The following SLC26A8 variants were observed in gnomAD, a reference collection of about 807,000 sequenced individuals.
SLC26A8 encodes solute carrier family 26 member 8.
Under a neutral mutation model 105.0 loss-of-function variants are expected in SLC26A8, and 70 were observed. The observed-to-expected ratio is 0.67, with a 90% CI of 0.55 to 0.81. The LOEUF is 0.81. Ranked by LOEUF, SLC26A8 falls within the 40% of genes least tolerant of loss-of-function variation. The probability of loss-of-function intolerance (pLI) is 0.00; values close to 1 mark genes in which losing one functional copy is unlikely to be tolerated. For synonymous variants in SLC26A8, 415 were observed against 438.3 expected, an observed-to-expected ratio of 0.95 and a Z score of 0.66; for missense variants, 998 against 1,181.8, an observed-to-expected ratio of 0.84 and a Z score of 2.28.
At position 36,012,256 on chromosome 6, in the gene SLC26A8, A is replaced by T. The variant is rs762434536; in HGVS notation, c.305T>A (p.Val102Asp). ...ACCTTGGGGAACTTGCACAAGGCCA[A>T]CACTTATACCAGCAAGTAAGTCTCC... is the stretch of plus-strand genomic sequence containing the variant. ...LLGDLLAGIS[V>D]GLVQVPQGLT... The change falls in exon 3 of 20, where the codon GTT (valine) becomes GAT (aspartate). Residue 102 changes from valine (V) to aspartate (D), a missense_variant. By Grantham distance (152) the Val-to-Asp change is radical. Transcript: ENST00000490799. The T allele has an allele frequency of 2.5e-6, 4 of 1,612,626 alleles. No homozygotes were observed. Among genetic ancestry groups the T allele is most frequent in the Non-Finnish European group, 3.4e-6 (4 of 1,179,578 alleles).
At chr6:36,007,833 T>C (rs1761732596) in intron 3 of SLC26A8, among the ~76,000 whole-genome samples, 1 of 151,778 alleles carries the variant, frequency 6.6e-6, no homozygotes, top group African/African-American at 2.4e-5. Context: ...TTAAAAATGG[T>C]GTTGAGGCTG....
intron 10 of SLC26A8, among the ~76,000 whole-genome samples, chr6:35,972,846 G>A (rs774290464): frequency 1.1e-4 from 17 of 152,190 alleles, no homozygotes; most frequent in Admixed American, 2.0e-4. Context: ...CTCAAAACTT[G>A]GCCTTTCTAT....
chr6:35,977,436 C>A, intron 8 of SLC26A8, 85 bp from the exon 9 acceptor site: 2 of 1,312,398 alleles, frequency 1.5e-6, no homozygotes, highest in South Asian at 1.7e-5. Flanking sequence ...CTGGGCTGTC[C>A]TGATTCTTTT....
In SLC26A8 at chr6:35,968,119, A is replaced by T. The variant is rs1056805630; in HGVS notation, c.1365+758T>A. ...CACCTTGGCCTCCCAAAGTGCTGGGATTACACCACTCTTGGCCTATAACTA... is the reference window on the plus strand; with the variant it reads ...CACCTTGGCCTCCCAAAGTGCTGGGTTTACACCACTCTTGGCCTATAACTA... On this transcript the variant is annotated intron_variant, in intron 11 of 19. Transcript: ENST00000490799. 5.9e-5 allele frequency among the ~76,000 whole-genome samples: 9 copies of T among 151,846 alleles called. No homozygotes were observed. In the South Asian group the frequency reaches 8.3e-4, roughly 14 times the overall value.
chr6:36,022,114 G>C (rs1762141429), intron 1 of SLC26A8, among the ~76,000 whole-genome samples: 1 of 152,148 alleles, frequency 6.6e-6, no homozygotes, highest in Non-Finnish European at 1.5e-5. Flanking sequence ...TTACAGGCAT[G>C]TGCCACCACA....
chr6:35,983,298 T>A (rs1193259945), intron 7 of SLC26A8, among the ~76,000 whole-genome samples: 1 of 152,182 alleles, frequency 6.6e-6, no homozygotes, highest in Non-Finnish European at 1.5e-5. Context: ...GGCAAGGAAC[T>A]CTTATTTCCA....
At chr6:35,955,629 A>AG in intron 16 of SLC26A8, 109 bp from the exon 17 acceptor site, 1 of 1,405,298 alleles carries the variant, frequency 7.1e-7, no homozygotes, top group Non-Finnish European at 9.7e-7. Flanking sequence ...CTCTCTCATG[A>AG]AACTTCTCCC....
At chr6:35,957,028 G>T (rs1772099219) in intron 16 of SLC26A8, among the ~76,000 whole-genome samples, 1 of 151,834 alleles carries the variant, frequency 6.6e-6, no homozygotes, top group African/African-American at 2.4e-5. Flanking sequence ...TTCAAGACCA[G>T]CCTGACCAAC....
intron 3 of SLC26A8, 121 bp from the exon 4 acceptor site, chr6:36,000,229 A>G (rs1761482260): frequency 3.1e-6 from 2 of 647,860 alleles, no homozygotes; most frequent in African/African-American, 1.8e-5. Context: ...GTGTGGTAAT[A>G]GTATTTCTGG....
chr6:35,981,667 A>C lies in SLC26A8; in HGVS notation c.1025+454T>G, dbSNP rs549418267. ...AACCTGTCTCAAAAATAAATAAATA[A>C]ATATATAAATAAATAAAACAGGGCA... On this transcript the variant is annotated intron_variant, in intron 8 of 19. Transcript: ENST00000490799. The surrounding 1 kb of genome is among the most constrained non-coding windows in gnomAD (Gnocchi z 4.0). 2.0e-5 allele frequency among the ~76,000 whole-genome samples: 3 copies of C among 152,180 alleles called. No individual in the cohort carries two copies. The highest frequency in any genetic ancestry group is 7.2e-5 in the African/African-American group (3 of 41,518).
chr6:35,956,190 G>A (rs1772052654), intron 16 of SLC26A8, among the ~76,000 whole-genome samples: 1 of 152,082 alleles, frequency 6.6e-6, no homozygotes, highest in Non-Finnish European at 1.5e-5. Flanking sequence ...TTGAGCCTGG[G>A]AGATGAAGGT....
Position 35,959,807 on chromosome 6 carries a change from C to A in SLC26A8, c.1639-1G>T. ...TTTTCACCCCAGGAATGGTGATGAT[C>A]TGCAAGACAAAATGTGAAGTTGAGG... On this transcript the variant is annotated splice_acceptor_variant, in intron 14 of 19. Transcript: ENST00000490799. LOFTEE classifies it high-confidence loss of function. 6.2e-7 allele frequency: 1 copy of A among 1,603,704 alleles called. No homozygotes were observed. Among genetic ancestry groups the A allele is most frequent in the Non-Finnish European group, 8.5e-7 (1 of 1,176,476 alleles).
intron 19 of SLC26A8, among the ~76,000 whole-genome samples, chr6:35,947,114 C>T (rs1172021728): frequency 1.3e-5 from 2 of 152,140 alleles, no homozygotes; most frequent in Admixed American, 6.5e-5. Context: ...CTGCAACCTC[C>T]GCTTCCTGGG....
chr6:35,987,600 T>C (rs1327650489), intron 7 of SLC26A8, among the ~76,000 whole-genome samples: 1 of 152,182 alleles, frequency 6.6e-6, no homozygotes, highest in African/African-American at 2.4e-5. Context: ...CTCAATCTCC[T>C]GACCTCGTGA....
chr6:35,969,251 C>T (rs184430722), intron 10 of SLC26A8: 9 of 309,222 alleles, frequency 2.9e-5, no homozygotes, highest in Non-Finnish European at 5.6e-5. Context: ...CTGAATTCTC[C>T]TAAAATCTGA....
At chr6:35,996,518 T>G (rs1367609720) in intron 5 of SLC26A8, among the ~76,000 whole-genome samples, 4 of 152,194 alleles carry the variant, frequency 2.6e-5, no homozygotes. Context: ...AAAGATAGTG[T>G]GTGAGCCTGT....
chr6:35,979,246 G>A (rs1253410271), intron 8 of SLC26A8, among the ~76,000 whole-genome samples: 1 of 151,942 alleles, frequency 6.6e-6, no homozygotes, highest in Non-Finnish European at 1.5e-5. Context: ...GGGAGGCCGA[G>A]GTGGGCAGAT....
chr6:35,979,007 ATTTTTTTTTTTTT>A (rs34335766), intron 8 of SLC26A8, among the ~76,000 whole-genome samples: 8 of 98,306 alleles, frequency 8.1e-5, no homozygotes, highest in Non-Finnish European at 1.2e-4. Flanking sequence ...CACCTGGCTA[ATTTTTTTTTTTTT>A]TTTTTTTTTT....
intron 3 of SLC26A8, among the ~76,000 whole-genome samples, chr6:36,010,601 C>T (rs2894405): frequency 0.27 from 39,211 of 143,170 alleles, 5,326 homozygotes; most frequent in African/African-American, 0.37. Context: ...TGCAGTGGTG[C>T]GATCTTGGCT....
Sources: allele counts gnomAD v4.1 joint callset (sites outside exome capture counted in the v4.1 genomes callset), GRCh38; gene constraint gnomAD v4.1.1; non-coding constraint Gnocchi (gnomAD v3.1); transcripts MANE v1.5; gene names NCBI Gene and HGNC (gene_info 2026-07-23, HGNC 2026-07-21).